The following NCKAP5 variants were observed in gnomAD, a reference collection of about 807,000 sequenced individuals.
NCKAP5 encodes nck-associated protein 5.
In NCKAP5, 92 loss-of-function variants were observed where a neutral mutation model predicts 167.0. The observed-to-expected ratio is 0.55, with a 90% CI of 0.47 to 0.66. NCKAP5 has a LOEUF of 0.66. NCKAP5 is among the 30% of genes least tolerant of loss of function. NCKAP5 has a pLI of 0.00. For synonymous variants in NCKAP5, 891 were observed against 877.4 expected (o/e 1.02, Z -0.27); for missense variants, 2,378 against 2,315.0 (o/e 1.03, Z -0.56).
intron 4 of NCKAP5, among the ~76,000 whole-genome samples, chr2:133,297,229 A>T (rs150955440): frequency 2.0e-5 from 3 of 151,470 alleles, no homozygotes; most frequent in Non-Finnish European, 4.4e-5. Context: ...AAGCAGGGAG[A>T]TACAGAGCAG....
intron 6 of NCKAP5, among the ~76,000 whole-genome samples, chr2:133,083,125 A>C (rs1341964587): frequency 6.6e-6 from 1 of 152,144 alleles, no homozygotes; most frequent in Non-Finnish European, 1.5e-5. Flanking sequence ...AAGAAAACCC[A>C]GTCAACAATA....
At chr2:132,746,962 C>T (rs1353428912) in intron 16 of NCKAP5, among the ~76,000 whole-genome samples, 1 of 151,814 alleles carries the variant, frequency 6.6e-6, no homozygotes, top group African/African-American at 2.4e-5. Flanking sequence ...TCCCTGGGAG[C>T]AGTGGTATTA....
chr2:133,024,723 C>T (rs567266495), intron 6 of NCKAP5, among the ~76,000 whole-genome samples: 1 of 152,278 alleles, frequency 6.6e-6, no homozygotes, highest in East Asian at 1.9e-4. Flanking sequence ...AGCTTTCTAG[C>T]TTGCGCTCAT....
At chr2:132,859,956 A>C (rs1157490151) in intron 11 of NCKAP5, among the ~76,000 whole-genome samples, 4 of 152,178 alleles carry the variant, frequency 2.6e-5, no homozygotes, top group African/African-American at 9.7e-5. Context: ...GGCAAGTAAA[A>C]AAAAATAGTT....
intron 3 of NCKAP5, among the ~76,000 whole-genome samples, chr2:133,501,238 C>T (rs1682482353): frequency 6.6e-6 from 1 of 152,230 alleles, no homozygotes; most frequent in African/African-American, 2.4e-5. Flanking sequence ...TTACTGAGCT[C>T]TGCTGTGCAC....
intron 4 of NCKAP5, among the ~76,000 whole-genome samples, chr2:133,290,115 G>T (rs1362149750): frequency 6.6e-6 from 1 of 152,100 alleles, no homozygotes; most frequent in Non-Finnish European, 1.5e-5. Context: ...GTGTATGTTG[G>T]TCTTGCCAAA....
chr2:132,918,219 T>C (rs1695032642), intron 8 of NCKAP5, among the ~76,000 whole-genome samples: 1 of 152,158 alleles, frequency 6.6e-6, no homozygotes, highest in Admixed American at 6.5e-5. Context: ...CTCAGAAGGA[T>C]CTGGTACCAT....
chr2:132,807,766 T>C (rs1311295864), intron 11 of NCKAP5, among the ~76,000 whole-genome samples: 2 of 152,182 alleles, frequency 1.3e-5, no homozygotes, highest in Non-Finnish European at 2.9e-5. Flanking sequence ...TCTTGTCTGA[T>C]TGCTCTGGCT....
chr2:133,194,525 C>G (rs2085356221), intron 5 of NCKAP5, among the ~76,000 whole-genome samples: 1 of 151,966 alleles, frequency 6.6e-6, no homozygotes, highest in Non-Finnish European at 1.5e-5. Context: ...GCTCTCATGC[C>G]AAGGACACTG....
At chr2:133,375,726 G>T (rs543989010) in intron 3 of NCKAP5, among the ~76,000 whole-genome samples, 1 of 152,150 alleles carries the variant, frequency 6.6e-6, no homozygotes, top group African/African-American at 2.4e-5. Flanking sequence ...AGTTTGCTAA[G>T]GATAATGGTC....
At chr2:133,647,693 A>AG in the NCKAP5 span, among the ~76,000 whole-genome samples, 5 of 129,324 alleles carry the variant, frequency 3.9e-5, no homozygotes, top group Non-Finnish European at 6.4e-5. Context: ...GAAGGAAGGA[A>AG]GAAAGAAGGA....
At chr2:133,213,637 A>G in intron 5 of NCKAP5, 79 bp downstream of exon 5, 1 of 1,389,618 alleles carries the variant, frequency 7.2e-7, no homozygotes, top group South Asian at 1.2e-5. Flanking sequence ...TTCCTTAGAT[A>G]TCCTTAATGA....
At chr2:133,635,221 G>C in the NCKAP5 span, among the ~76,000 whole-genome samples, 1 of 152,128 alleles carries the variant, frequency 6.6e-6, no homozygotes. Context: ...CAGAGGAAAA[G>C]GAAGGGGGAA....
intron 3 of NCKAP5, among the ~76,000 whole-genome samples, chr2:133,469,187 C>T: frequency 6.6e-6 from 1 of 151,850 alleles, no homozygotes. Context: ...CCTTCAGGAG[C>T]TCTTTTAGGG....
the NCKAP5 span, among the ~76,000 whole-genome samples, chr2:133,585,208 G>A: frequency 6.6e-6 from 1 of 152,168 alleles, no homozygotes; most frequent in Non-Finnish European, 1.5e-5. Flanking sequence ...TAGGAGACAT[G>A]TTTAATGCAG....
chr2:133,417,041 C>T (rs933690332), intron 3 of NCKAP5, among the ~76,000 whole-genome samples: 1 of 150,648 alleles, frequency 6.6e-6, no homozygotes, highest in Non-Finnish European at 1.5e-5. Flanking sequence ...TGAAATGTTG[C>T]TTAAAATAAA....
chr2:133,455,404 A>G (rs956051603), intron 3 of NCKAP5, among the ~76,000 whole-genome samples: 9 of 151,974 alleles, frequency 5.9e-5, no homozygotes, highest in African/African-American at 2.2e-4. Flanking sequence ...AGATTTTCCA[A>G]TGTCTTTATT....
chr2:133,365,113 C>A (rs887871487), intron 3 of NCKAP5, among the ~76,000 whole-genome samples: 1 of 152,134 alleles, frequency 6.6e-6, no homozygotes, highest in Non-Finnish European at 1.5e-5. Flanking sequence ...GCTAGAAACA[C>A]ACACACACAC....
the NCKAP5 span, among the ~76,000 whole-genome samples, chr2:133,616,173 G>T: frequency 6.6e-6 from 1 of 151,212 alleles, no homozygotes; most frequent in African/African-American, 2.4e-5. Context: ...GAAATTTATA[G>T]CACTAAATGC....
Sources: gnomAD v4.1 joint callset for allele counts (sites outside exome capture counted in the v4.1 genomes callset) on GRCh38, gnomAD v4.1.1 for gene constraint, MANE v1.5 for transcripts, NCBI Gene and HGNC (gene_info 2026-07-23, HGNC 2026-07-21) for gene names.